The following SYT11 variants were observed in gnomAD, a reference collection of about 807,000 sequenced individuals.
The protein encoded by SYT11 is synaptotagmin-11.
A neutral mutation model predicts 30.4 loss-of-function variants in SYT11; 12 were observed. The observed-to-expected ratio is 0.39, with a 90% CI of 0.25 to 0.64. The LOEUF (loss-of-function observed/expected upper bound fraction) is 0.64. SYT11 is among the 30% of genes least tolerant of loss of function. The pLI is 0.45. For synonymous variants in SYT11, 204 were observed against 216.0 expected (o/e 0.94, Z 0.49); for missense variants, 412 against 552.0 (o/e 0.75, Z 2.54).
Position 155,881,596 on chromosome 1 carries a change from C to T in SYT11, c.*88C>T. On this transcript the variant is annotated 3_prime_UTR_variant, in exon 4 of 4. Transcript: ENST00000368324. ...GATGACAGAGAAGTGGACTCCAAAC[C>T]TCATTTTAGTTGTAGAAGAAAATTT... The T allele has an allele frequency of 7.7e-7, 1 of 1,300,020 alleles. No homozygotes were observed. Among genetic ancestry groups the T allele is most frequent in the Non-Finnish European group, 1.0e-6 (1 of 952,858 alleles). The allele number at this position is 1,300,020 out of a possible 1,614,324, so 80.5% of individuals were successfully genotyped here.
intron 1 of SYT11, among the ~76,000 whole-genome samples, chr1:155,865,414 G>A (rs1035256869): frequency 2.6e-5 from 4 of 151,944 alleles, no homozygotes; most frequent in South Asian, 2.1e-4. Flanking sequence ...GATCACTTGC[G>A]GTTAGGAGTT....
intron 1 of SYT11, among the ~76,000 whole-genome samples, chr1:155,865,804 A>G (rs1672663234): frequency 6.6e-6 from 1 of 151,846 alleles, no homozygotes; most frequent in African/African-American, 2.4e-5. Flanking sequence ...TGGCCTCCCA[A>G]ATAGCTGGGA....
chr1:155,876,809 G>A (rs1469256609), intron 2 of SYT11, among the ~76,000 whole-genome samples: 1 of 151,766 alleles, frequency 6.6e-6, no homozygotes, highest in Non-Finnish European at 1.5e-5. Context: ...TTTTTGAGAT[G>A]GAGTCTCACT....
In SYT11 at chr1:155,868,882, G is replaced by A. The variant is rs576131880; in HGVS notation, c.861+91G>A. 5 of 1,302,434 alleles carry A rather than the reference G, an allele frequency of 3.8e-6. No homozygotes were observed. The highest frequency in any genetic ancestry group is 1.5e-5 in the African/African-American group (1 of 68,426). 80.7% of individuals were successfully genotyped at this position (1,302,434 alleles called of 1,614,324 possible). A position where few individuals can be genotyped will look rare whatever the true frequency, so the allele number is the denominator to read the frequency against. The stretch of plus-strand genomic sequence containing the variant: ...TGGAAGTGGGAGGGGAGTGGGTTGG[G>A]TGGCAAAGAAGGGCTGTAGAGAGGA... On this transcript the variant is annotated intron_variant, in intron 2 of 3. Coordinates refer to ENST00000368324, the MANE Select transcript of SYT11 (RefSeq NM_152280.5). The surrounding 1 kb of genome is among the most constrained non-coding windows in gnomAD (Gnocchi z 4.7).
chr1:155,879,543 C>T (rs531901840), intron 2 of SYT11, among the ~76,000 whole-genome samples: 1 of 152,266 alleles, frequency 6.6e-6, no homozygotes, highest in South Asian at 2.1e-4. Flanking sequence ...GGAGAAGATA[C>T]ACTGGAGTGC....
At chr1:155,876,399 C>T (rs1323108376) in intron 2 of SYT11, among the ~76,000 whole-genome samples, 1 of 151,968 alleles carries the variant, frequency 6.6e-6, no homozygotes, top group Non-Finnish European at 1.5e-5. Flanking sequence ...GCGCCCGCCA[C>T]CACGCCCGGC....
At position 155,881,481 on chromosome 1, in the gene SYT11, C is replaced by A; in HGVS notation, c.1269C>A (p.Ala423=). 6.2e-7 allele frequency: 1 copy of A among 1,610,502 alleles called. No individual in the cohort carries two copies. Among genetic ancestry groups the A allele is most frequent in the Middle Eastern group, 1.7e-4 (1 of 6,038 alleles). The part of the protein sequence containing the change: ...EVCESPRKPV[A]KWHSLSEY ...GCGAGAGCCCCCGCAAGCCTGTGGC[C>A]AAGTGGCACAGTCTGAGCGAGTACT... Residue 423 remains alanine, a synonymous_variant, in exon 4 of 4, where the codon GCC becomes GCA. Coordinates refer to ENST00000368324, the MANE Select transcript of SYT11 (RefSeq NM_152280.5).
intron 2 of SYT11, among the ~76,000 whole-genome samples, chr1:155,874,228 C>G (rs1427823386): frequency 6.6e-6 from 1 of 152,084 alleles, no homozygotes; most frequent in Non-Finnish European, 1.5e-5. Context: ...GAGCTGAGAT[C>G]GTGCCACTGC....
intron 1 of SYT11, among the ~76,000 whole-genome samples, chr1:155,865,453 C>A (rs1288761090): frequency 6.6e-6 from 1 of 151,926 alleles, no homozygotes; most frequent in Non-Finnish European, 1.5e-5. Context: ...CGTGGAGAAA[C>A]CCTGTCTCTA....
intron 2 of SYT11, among the ~76,000 whole-genome samples, chr1:155,876,609 C>T (rs534295043): frequency 3.3e-5 from 5 of 151,990 alleles, no homozygotes; most frequent in Non-Finnish European, 7.4e-5. Context: ...GCTAAAAACA[C>T]AAGAAATAGT....
chr1:155,866,847 A>T (rs1380583816), intron 1 of SYT11, among the ~76,000 whole-genome samples: 1 of 152,078 alleles, frequency 6.6e-6, no homozygotes, highest in Admixed American at 6.6e-5. Context: ...TTAAGGTAAT[A>T]ATAATGAAAA....
intron 2 of SYT11, among the ~76,000 whole-genome samples, chr1:155,875,252 A>AT (rs1465155083): frequency 6.6e-6 from 1 of 151,012 alleles, no homozygotes; most frequent in Non-Finnish European, 1.5e-5. Context: ...TTCATCTCAA[A>AT]AAAAAAAAAA....
intron 2 of SYT11, among the ~76,000 whole-genome samples, chr1:155,879,051 C>T (rs1672918774): frequency 6.6e-6 from 1 of 152,068 alleles, no homozygotes; most frequent in South Asian, 2.1e-4. Context: ...TCCTTGGGAG[C>T]AACAACTGAG....
In SYT11 at chr1:155,884,504, G is replaced by A. The variant is rs923895101; in HGVS notation, c.*2996G>A. 2.6e-5 allele frequency: 4 copies of A among 152,910 alleles called. No homozygotes were observed. The highest frequency in any genetic ancestry group is 9.6e-5 in the African/African-American group (4 of 41,466). 9.5% of individuals were successfully genotyped at this position (152,910 alleles called of 1,614,324 possible). On this transcript the variant is annotated 3_prime_UTR_variant, in exon 4 of 4. Transcript: ENST00000368324. ...GTGCCCTTGACTTTGCCGTCTCAAAGTTTCTTAGCTGACTTTGGCTTTCAC... is the reference window on the plus strand; with the variant it reads ...GTGCCCTTGACTTTGCCGTCTCAAAATTTCTTAGCTGACTTTGGCTTTCAC...
chr1:155,870,423 G>T (rs1269349217), intron 2 of SYT11, among the ~76,000 whole-genome samples: 1 of 152,194 alleles, frequency 6.6e-6, no homozygotes, highest in African/African-American at 2.4e-5. Context: ...CCTGGGTGAT[G>T]CATGTGGTTT....
chr1:155,871,936 C>T (rs1229314660), intron 2 of SYT11, among the ~76,000 whole-genome samples: 1 of 152,182 alleles, frequency 6.6e-6, no homozygotes, highest in Admixed American at 6.5e-5. Flanking sequence ...TAGGATCTCT[C>T]CTTGGTGAAC....
chr1:155,879,262 CA>C (rs1319810047), intron 2 of SYT11, among the ~76,000 whole-genome samples: 1 of 151,392 alleles, frequency 6.6e-6, no homozygotes, highest in African/African-American at 2.4e-5. Flanking sequence ...ACTAAGAATA[CA>C]AAAATTAGCC....
chr1:155,874,043 A>G (rs1349189011), intron 2 of SYT11, among the ~76,000 whole-genome samples: 2 of 151,702 alleles, frequency 1.3e-5, no homozygotes, highest in Admixed American at 1.3e-4. Context: ...GCTCACGCCT[A>G]TAATTCCAGC....
chr1:155,860,721 A>G lies in SYT11; in HGVS notation c.34+926A>G, dbSNP rs1386233504. ...CCGACCCAGCCCTGTGGGCTCCAAG[A>G]TTAGTTTTACACTCTCTGGAGCAGA... is the stretch of plus-strand genomic sequence containing the variant. On this transcript the variant is annotated intron_variant, in intron 1 of 3. Coordinates refer to ENST00000368324, the MANE Select transcript of SYT11 (RefSeq NM_152280.5). The surrounding 1 kb of genome is among the most constrained non-coding windows in gnomAD (Gnocchi z 4.1). 1.3e-5 allele frequency among the ~76,000 whole-genome samples: 2 copies of G among 152,186 alleles called. No homozygotes were observed. Among genetic ancestry groups the G allele is most frequent in the Admixed American group, 6.5e-5 (1 of 15,284 alleles).
Sources: gnomAD v4.1 joint callset for allele counts (sites outside exome capture counted in the v4.1 genomes callset) on GRCh38, gnomAD v4.1.1 for gene constraint, Gnocchi (gnomAD v3.1) non-coding constraint, MANE v1.5 for transcripts, NCBI Gene and HGNC (gene_info 2026-07-23, HGNC 2026-07-21) for gene names.